Variants in STK33 observed in about 807,000 individuals in gnomAD.
STK33 encodes the protein serine/threonine-protein kinase 33.
STK33 carries 52 observed loss-of-function variants against 58.0 expected under a neutral mutation model. The observed-to-expected ratio is 0.90, with a 90% CI of 0.72 to 1.13. The LOEUF (loss-of-function observed/expected upper bound fraction) is 1.13, where lower values mean the gene tolerates loss of function less well. STK33 is among the 50% of genes most tolerant of loss of function. The pLI is 0.00. For missense variants in STK33, 630 were observed against 604.2 expected (o/e 1.04, Z -0.45); for synonymous variants, 215 against 200.1 (o/e 1.07, Z -0.63).
At chr11:8,344,214 C>CACACACACACACACAG in the STK33 span, among the ~76,000 whole-genome samples, 2 of 151,516 alleles carry the variant, frequency 1.3e-5, no homozygotes, top group Admixed American at 1.3e-4. Flanking sequence ...CACACACACA[C>CACACACACACACACAG]ACACACACAC....
chr11:8,507,515 C>A (rs115040760), intron 1 of STK33, among the ~76,000 whole-genome samples: 4 of 151,916 alleles, frequency 2.6e-5, no homozygotes, highest in Non-Finnish European at 2.9e-5. Context: ...CACTACCCAG[C>A]GAAGAGTCTT....
the STK33 span, among the ~76,000 whole-genome samples, chr11:8,343,080 A>G: frequency 1.3e-5 from 2 of 152,360 alleles, no homozygotes; most frequent in East Asian, 1.9e-4. Context: ...ATCGTTTCCT[A>G]TAGGGCTCCA....
chr11:8,514,324 AAC>A (rs1952585967), intron 1 of STK33, among the ~76,000 whole-genome samples: 1 of 152,198 alleles, frequency 6.6e-6, no homozygotes, highest in Non-Finnish European at 1.5e-5. Flanking sequence ...ATTTCATTTT[AAC>A]ACAATAACAG....
intron 1 of STK33, among the ~76,000 whole-genome samples, chr11:8,565,225 G>A (rs9705083): frequency 0.46 from 69,643 of 151,964 alleles, 16,204 homozygotes; most frequent in South Asian, 0.64. Context: ...GCGCTACATG[G>A]AGGATATAGG....
downstream of STK33, among the ~76,000 whole-genome samples, chr11:8,387,597 A>G (rs117713411): frequency 1.6e-3 from 245 of 152,346 alleles, 4 homozygotes; most frequent in East Asian, 0.035. Flanking sequence ...CTGCTGTTAC[A>G]TCATGACTCT....
chr11:8,586,185 CT>C (rs2031573399), intron 1 of STK33, among the ~76,000 whole-genome samples: 1 of 146,256 alleles, frequency 6.8e-6, no homozygotes. Context: ...CCACTCCACT[CT>C]AGCCTGGTCA....
intron 1 of STK33, 123 bp downstream of exon 1, chr11:8,593,960 G>C (rs1209118337): frequency 1.3e-5 from 2 of 152,262 alleles, no homozygotes; most frequent in African/African-American, 4.8e-5. Context: ...GGCCGGCAGC[G>C]AGATACCCAG....
At chr11:8,380,560 CAA>C in the STK33 span, among the ~76,000 whole-genome samples, 6,852 of 97,110 alleles carry the variant, frequency 0.071, 195 homozygotes, top group Non-Finnish European at 0.092. Flanking sequence ...AACTCCTTCT[CAA>C]AAAAAAAAAA....
At chr11:8,485,357 G>A (rs1403523822) in intron 1 of STK33, among the ~76,000 whole-genome samples, 1 of 152,246 alleles carries the variant, frequency 6.6e-6, no homozygotes, top group African/African-American at 2.4e-5. Flanking sequence ...TTCAAAGAAC[G>A]TTGTTTCAAA....
chr11:8,536,968 AAAG>A (rs1434328843), intron 1 of STK33, among the ~76,000 whole-genome samples: 46 of 132,776 alleles, frequency 3.5e-4, no homozygotes, highest in Non-Finnish European at 6.6e-4. Context: ...AAAAAAAAAA[AAAG>A]ATTTTTTTTT....
At chr11:8,357,608 G>A in the STK33 span, among the ~76,000 whole-genome samples, 3 of 152,190 alleles carry the variant, frequency 2.0e-5, no homozygotes, top group Non-Finnish European at 4.4e-5. Context: ...GCTCGGAACC[G>A]CGGGAGGGGC....
At chr11:8,504,755 G>A (rs978220279) in intron 1 of STK33, among the ~76,000 whole-genome samples, 3 of 152,036 alleles carry the variant, frequency 2.0e-5, no homozygotes, top group East Asian at 1.9e-4. Context: ...CTACGATCAC[G>A]CCACTGTATT....
intron 15 of STK33, among the ~76,000 whole-genome samples, chr11:8,400,589 T>G (rs1321403369): frequency 3.9e-5 from 6 of 152,206 alleles, no homozygotes; most frequent in African/African-American, 1.4e-4. Context: ...TCACCACTCC[T>G]ATTTAACATA....
chr11:8,448,553 A>G (rs1230567123), intron 11 of STK33, among the ~76,000 whole-genome samples: 3 of 152,232 alleles, frequency 2.0e-5, no homozygotes, highest in Non-Finnish European at 4.4e-5. Flanking sequence ...TATTCAATAA[A>G]TGGTGCTGGG....
intron 1 of STK33, among the ~76,000 whole-genome samples, chr11:8,576,289 G>A (rs1236446112): frequency 6.6e-6 from 1 of 152,186 alleles, no homozygotes; most frequent in African/African-American, 2.4e-5. Context: ...AACAGTTCAG[G>A]TTCCAAGGTG....
intron 1 of STK33, among the ~76,000 whole-genome samples, chr11:8,550,665 A>AT (rs1374461759): frequency 1.8e-4 from 28 of 152,172 alleles, no homozygotes; most frequent in Admixed American, 1.8e-3. Flanking sequence ...TTTCTAAAAC[A>AT]TAACAAGAGG....
At chr11:8,500,457 GAAGTA>G (rs1366887840) in intron 1 of STK33, among the ~76,000 whole-genome samples, 8 of 152,054 alleles carry the variant, frequency 5.3e-5, no homozygotes, top group African/African-American at 1.9e-4. Context: ...AAAATGAAAT[GAAGTA>G]AACAATTCAA....
the STK33 span, among the ~76,000 whole-genome samples, chr11:8,350,667 A>G: frequency 6.6e-6 from 1 of 152,254 alleles, no homozygotes; most frequent in Middle Eastern, 3.4e-3. Flanking sequence ...GGAAGGGGAA[A>G]GGAAGGACAG....
chr11:8,386,647 G>A, the STK33 span, among the ~76,000 whole-genome samples: 5 of 152,186 alleles, frequency 3.3e-5, no homozygotes, highest in South Asian at 2.1e-4. Context: ...CACAGAATCC[G>A]CGGAGCCTAT....
Sources: gnomAD v4.1 joint callset for allele counts (sites outside exome capture counted in the v4.1 genomes callset) on GRCh38, gnomAD v4.1.1 for gene constraint, MANE v1.5 for transcripts, NCBI Gene and HGNC (gene_info 2026-07-23, HGNC 2026-07-21) for gene names.